Variants in PSD3 observed in about 807,000 individuals in gnomAD.
PSD3 encodes the protein PH and SEC7 domain-containing protein 3.
Under a neutral mutation model 105.5 loss-of-function variants are expected in PSD3, and 49 were observed. The ratio of observed to expected loss-of-function variants is 0.46; its 90% CI spans 0.37 to 0.59. The LOEUF (loss-of-function observed/expected upper bound fraction) is 0.59, where lower values mean the gene tolerates loss of function less well. Among genes scored for constraint, PSD3 ranks in the 20% least tolerant of loss-of-function variants. The pLI is 0.00. For missense variants in PSD3, 1,561 were observed against 1,263.8 expected (o/e 1.24, Z -3.57); for synonymous variants, 557 against 457.8 (o/e 1.22, Z -2.77).
At chr8:18,908,551 G>A (rs1819992487) in intron 2 of PSD3, among the ~76,000 whole-genome samples, 1 of 152,110 alleles carries the variant, frequency 6.6e-6, no homozygotes, top group South Asian at 2.1e-4. Flanking sequence ...CTGTCCATAT[G>A]ATAACCACAT....
intron 2 of PSD3, among the ~76,000 whole-genome samples, chr8:18,896,619 C>A (rs1819166151): frequency 6.6e-6 from 1 of 151,884 alleles, no homozygotes; most frequent in Non-Finnish European, 1.5e-5. Flanking sequence ...CACCAGATTG[C>A]CCAGGCTGGT....
At chr8:18,768,796 C>T (rs776380679) in intron 8 of PSD3, among the ~76,000 whole-genome samples, 3 of 151,718 alleles carry the variant, frequency 2.0e-5, no homozygotes, top group African/African-American at 4.9e-5. Flanking sequence ...ACAGTGCTGA[C>T]ATTTTTGTTG....
At chr8:18,567,287 G>C (rs1801843750) in intron 14 of PSD3, among the ~76,000 whole-genome samples, 1 of 151,260 alleles carries the variant, frequency 6.6e-6, no homozygotes, top group Non-Finnish European at 1.5e-5. Context: ...TTTGCTTCCA[G>C]TTACTTGATT....
In PSD3 at chr8:18,586,376, C is replaced by G. The variant is rs538805903; in HGVS notation, c.2482-11091G>C. On this transcript the variant is annotated intron_variant, in intron 12 of 15. Coordinates refer to ENST00000327040, the MANE Select transcript of PSD3 (RefSeq NM_015310.4). ...GAGGGGGAAAGCCTTTACTATTACT[C>G]TCCATTTGTAATGAAGAAATGCGAA... is the stretch of plus-strand genomic sequence containing the variant. 2.6e-5 allele frequency among the ~76,000 whole-genome samples: 4 copies of G among 152,248 alleles called. No homozygotes were observed. The South Asian group carries it at 8.3e-4, about 32-fold the overall frequency.
At chr8:18,592,987 G>C (rs1002668208) in intron 12 of PSD3, among the ~76,000 whole-genome samples, 1 of 152,206 alleles carries the variant, frequency 6.6e-6, no homozygotes, top group African/African-American at 2.4e-5. Flanking sequence ...ATGGATTAAA[G>C]ACTTACATGT....
chr8:18,741,914 A>C (rs2129434746), intron 9 of PSD3, among the ~76,000 whole-genome samples: 1 of 152,264 alleles, frequency 6.6e-6, no homozygotes, highest in African/African-American at 2.4e-5. Flanking sequence ...GTACAACTGA[A>C]ATGAGATCTA....
intron 12 of PSD3, among the ~76,000 whole-genome samples, chr8:18,596,056 T>C (rs549174815): frequency 6.6e-6 from 1 of 152,000 alleles, no homozygotes; most frequent in South Asian, 2.1e-4. Flanking sequence ...ACCAAATATA[T>C]TGTCCAATCA....
chr8:18,725,637 G>T (rs1803291656), intron 9 of PSD3, among the ~76,000 whole-genome samples: 1 of 152,166 alleles, frequency 6.6e-6, no homozygotes, highest in East Asian at 1.9e-4. Context: ...ACAGGAAGAA[G>T]AAGACCCACT....
intron 2 of PSD3, among the ~76,000 whole-genome samples, chr8:18,900,643 CTTT>C (rs34004085): frequency 4.8e-5 from 4 of 83,964 alleles, no homozygotes; most frequent in Non-Finnish European, 4.4e-5. Context: ...AGAGACAACT[CTTT>C]TTTTTTTTTT....
chr8:19,009,477 C>A (rs967507821), intron 1 of PSD3, among the ~76,000 whole-genome samples: 1 of 152,148 alleles, frequency 6.6e-6, no homozygotes, highest in Non-Finnish European at 1.5e-5. Context: ...CACTACTGAC[C>A]TCATGGGTTG....
intron 9 of PSD3, among the ~76,000 whole-genome samples, chr8:18,739,330 CTTAA>C (rs1190502491): frequency 2.6e-5 from 4 of 152,050 alleles, no homozygotes; most frequent in Non-Finnish European, 4.4e-5. Flanking sequence ...TGTTCCCATA[CTTAA>C]TTATTAGTTA....
At chr8:18,981,153 G>A (rs1825233334) in intron 1 of PSD3, among the ~76,000 whole-genome samples, 1 of 152,066 alleles carries the variant, frequency 6.6e-6, no homozygotes, top group African/African-American at 2.4e-5. Context: ...TGTAACATAA[G>A]GGTCCACCAG....
intron 9 of PSD3, among the ~76,000 whole-genome samples, chr8:18,666,318 T>G (rs367976257): frequency 6.6e-6 from 1 of 152,262 alleles, no homozygotes; most frequent in Non-Finnish European, 1.5e-5. Context: ...CCCAAAGTTC[T>G]GTGATTAAAG....
At chr8:18,647,582 C>G (rs1309163040) in intron 10 of PSD3, among the ~76,000 whole-genome samples, 1 of 150,354 alleles carries the variant, frequency 6.7e-6, no homozygotes, top group African/African-American at 2.5e-5. Flanking sequence ...CAGAGGGAAT[C>G]CAGAAGTTCA....
At chr8:18,683,654 A>G (rs1800503090) in intron 9 of PSD3, 1 of 653,928 alleles carries the variant, frequency 1.5e-6, no homozygotes, top group African/African-American at 1.8e-5. Context: ...TCTTAGAACC[A>G]TTTTATACTC....
intron 4 of PSD3, among the ~76,000 whole-genome samples, chr8:18,821,325 T>G (rs1465850667): frequency 2.0e-5 from 3 of 152,152 alleles, no homozygotes; most frequent in Non-Finnish European, 4.4e-5. Context: ...TTGTAAGCAC[T>G]GCTATTATTA....
At chr8:18,635,720 T>A (rs763290459) in intron 10 of PSD3, among the ~76,000 whole-genome samples, 15 of 152,116 alleles carry the variant, frequency 9.9e-5, no homozygotes, top group Non-Finnish European at 1.8e-4. Context: ...AAGAATGAAT[T>A]CATGTCCTTT....
chr8:18,942,056 G>T (rs1822581834), intron 1 of PSD3, among the ~76,000 whole-genome samples: 1 of 152,120 alleles, frequency 6.6e-6, no homozygotes, highest in Non-Finnish European at 1.5e-5. Flanking sequence ...AATTTTAGAA[G>T]TAAAAGTGGT....
chr8:18,571,410 C>A (rs1476516486), intron 14 of PSD3, among the ~76,000 whole-genome samples: 1 of 152,130 alleles, frequency 6.6e-6, no homozygotes, highest in African/African-American at 2.4e-5. Context: ...CACCTAACTG[C>A]CTCTCATCCT....
Sources: gnomAD v4.1 joint callset for allele counts (sites outside exome capture counted in the v4.1 genomes callset) on GRCh38, gnomAD v4.1.1 for gene constraint, MANE v1.5 for transcripts, NCBI Gene and HGNC (gene_info 2026-07-23, HGNC 2026-07-21) for gene names.